The following UBE3B variants were observed in gnomAD, a reference collection of about 807,000 sequenced individuals.
UBE3B encodes the protein ubiquitin protein ligase E3B.
UBE3B carries 80 observed loss-of-function variants against 132.3 expected under a neutral mutation model. The ratio of observed to expected loss-of-function variants is 0.60; its 90% CI spans 0.50 to 0.73. The LOEUF is 0.73. UBE3B is among the 30% of genes least tolerant of loss of function. The probability of loss-of-function intolerance (pLI) is 0.00; values close to 1 mark genes in which losing one functional copy is unlikely to be tolerated. For synonymous variants in UBE3B, 487 were observed against 520.4 expected (o/e 0.94, Z 0.87); for missense variants, 1,196 against 1,362.5 (o/e 0.88, Z 1.92).
intron 18 of UBE3B, among the ~76,000 whole-genome samples, chr12:109,516,365 C>T (rs879461527): frequency 7.3e-5 from 11 of 151,666 alleles, no homozygotes; most frequent in Admixed American, 4.6e-4. Flanking sequence ...TTAGTAGAGA[C>T]GAGGTTTCAC....
At chr12:109,530,992 A>T (rs1285902581) in intron 26 of UBE3B, among the ~76,000 whole-genome samples, 2 of 152,196 alleles carry the variant, frequency 1.3e-5, no homozygotes, top group African/African-American at 4.8e-5. Context: ...ATAGAAGTAA[A>T]TGACCCTCTG....
At chr12:109,490,499 G>A in intron 8 of UBE3B, 1 of 1,535,898 alleles carries the variant, frequency 6.5e-7, no homozygotes, top group Non-Finnish European at 8.7e-7. Flanking sequence ...GTGCTGTGAT[G>A]GGCTGTTTCC....
At chr12:109,509,988 T>A (rs947344155) in intron 16 of UBE3B, among the ~76,000 whole-genome samples, 1 of 152,238 alleles carries the variant, frequency 6.6e-6, no homozygotes, top group African/African-American at 2.4e-5. Flanking sequence ...CTGAATCTCC[T>A]GTTGATTCTT....
chr12:109,499,613 T>G lies in UBE3B; in HGVS notation c.941-20T>G. On this transcript the variant is annotated intron_variant, in intron 11 of 27. Coordinates refer to ENST00000342494, the MANE Select transcript of UBE3B (RefSeq NM_130466.4). ...AAATGTTTGTCTGGGCCCATCACAC[T>G]CAGCCTTCTCTCTCTGTAGGCAACC... 1 of 1,567,586 alleles carries G rather than the reference T, an allele frequency of 6.4e-7. No homozygotes were observed. The highest frequency in any genetic ancestry group is 2.4e-5 in the East Asian group (1 of 42,256).
chr12:109,540,151 C>A (rs1326081175), downstream of UBE3B, among the ~76,000 whole-genome samples: 2 of 152,104 alleles, frequency 1.3e-5, no homozygotes, highest in African/African-American at 4.8e-5. Flanking sequence ...TGCCCCAGGC[C>A]CTGAGTCTGC....
In UBE3B at chr12:109,503,160, C is replaced by CTCACACAGA. The variant is rs1566090411; in HGVS notation, c.1422_1430dup (p.Thr475_Ile477dup). The stretch of plus-strand genomic sequence containing the variant: ...CCTCTACCAGACCTCGCTGACAACT[C>CTCACACAGA]TCACACAGATTCGGCTGCAGATACT... On this transcript the variant is annotated inframe_insertion, in exon 14 of 28. Transcript: ENST00000342494. 1 of 1,614,240 alleles carries CTCACACAGA rather than the reference C, an allele frequency of 6.2e-7. No individual in the cohort carries two copies. Among genetic ancestry groups the CTCACACAGA allele is most frequent in the East Asian group, 2.2e-5 (1 of 44,894 alleles).
In UBE3B at chr12:109,529,905, T is replaced by C. The variant is rs1339145821; in HGVS notation, c.2643T>C (p.His881=). The C allele has an allele frequency of 1.9e-6, 3 of 1,614,114 alleles. No individual in the cohort carries two copies. The highest frequency in any genetic ancestry group is 2.5e-6 in the Non-Finnish European group (3 of 1,180,054). ...TTGGCAACAGAATTAGCTACATCCA[T>C]CTGATGGCACATTTTCGAATGCACA... ...VTNENKISYI[H]LMAHFRMHTQ... is the part of the protein sequence containing the mutation. The change falls in exon 25 of 28, where the codon CAT becomes CAC. Residue 881 remains histidine (H), a synonymous_variant. Coordinates refer to ENST00000342494, the MANE Select transcript of UBE3B (RefSeq NM_130466.4).
chr12:109,537,702 CTTTTG>C (rs1362978295), downstream of UBE3B, among the ~76,000 whole-genome samples: 1 of 152,104 alleles, frequency 6.6e-6, no homozygotes, highest in Non-Finnish European at 1.5e-5. Flanking sequence ...GACATTCTGG[CTTTTG>C]TTTTGTTTTG....
chr12:109,499,968 TA>T (rs1470921178), intron 12 of UBE3B, among the ~76,000 whole-genome samples, 158 bp downstream of exon 12: 1 of 152,208 alleles, frequency 6.6e-6, no homozygotes, highest in African/African-American at 2.4e-5. Context: ...CAAAAGAGGA[TA>T]AAAACCAGCC....
chr12:109,515,838 A>C (rs1476806464), intron 18 of UBE3B, among the ~76,000 whole-genome samples: 4 of 152,164 alleles, frequency 2.6e-5, no homozygotes, highest in Non-Finnish European at 5.9e-5. Context: ...TGCTCTTTCT[A>C]AATAGGTTTA....
rs182727361 is a variant in UBE3B, at chr12:109,518,210, G to A, written c.2076+1326G>A. Among the ~76,000 whole-genome samples, 91 of 152,178 alleles carry A rather than the reference G, an allele frequency of 6.0e-4. No individual in the cohort carries two copies. The Middle Eastern group carries it at 0.014, about 23-fold the overall frequency. On this transcript the variant is annotated intron_variant, in intron 19 of 27. Transcript: ENST00000342494. ...TCTACTTGAGAAAAATAGCCCCCAC[G>A]AGTGAGTTGATAAATGGCAACTGAC...
In UBE3B at chr12:109,520,982, C is replaced by G. The variant is rs544133526; in HGVS notation, c.2077-166C>G. The G allele has an allele frequency of 2.5e-4, 172 of 691,378 alleles. No homozygotes were observed. In the African/African-American group the frequency reaches 2.9e-3, roughly 12 times the overall value. 42.8% of individuals were successfully genotyped at this position (691,378 alleles called of 1,614,324 possible). A position where few individuals can be genotyped will look rare whatever the true frequency, so the allele number is the denominator to read the frequency against. On this transcript the variant is annotated intron_variant, in intron 19 of 27. Coordinates refer to ENST00000342494, the MANE Select transcript of UBE3B (RefSeq NM_130466.4). ...CAAATGAATCTTTGCTTTTAATCAG[C>G]ACTCATTCAAAAGCAGGTGAGAACG...
intron 24 of UBE3B, among the ~76,000 whole-genome samples, chr12:109,528,855 A>T (rs932599172): frequency 5.5e-5 from 8 of 145,680 alleles, no homozygotes; most frequent in Admixed American, 6.8e-5. Flanking sequence ...ATCTCAAAAA[A>T]AAAAAGAAAA....
chr12:109,486,594 A>AAAAAAAAAAAC lies in UBE3B; in HGVS notation c.447+28_447+29insACAAAAAAAAA. On this transcript the variant is annotated intron_variant, in intron 6 of 27. Coordinates refer to ENST00000342494, the MANE Select transcript of UBE3B (RefSeq NM_130466.4). ...GCTCAAGGTAACAAAAAAAAAAAAAAAAAAAAAAAGCAAAACCAGAAACAG... is the reference window on the plus strand; with the variant it reads ...GCTCAAGGTAACAAAAAAAAAAAAAAAAAAAAAAAACAAAAAAAAAGCAAAACCAGAAACAG... The AAAAAAAAAAAC allele has an allele frequency of 1.3e-6, 2 of 1,548,862 alleles. No individual in the cohort carries two copies. Among genetic ancestry groups the AAAAAAAAAAAC allele is most frequent in the Admixed American group, 2.0e-5 (1 of 49,014 alleles).
intron 18 of UBE3B, among the ~76,000 whole-genome samples, chr12:109,514,263 G>A (rs1880727363): frequency 6.6e-6 from 1 of 152,198 alleles, no homozygotes; most frequent in African/African-American, 2.4e-5. Context: ...TGGGGGCTGT[G>A]TCTGGGCTTT....
the UBE3B span, among the ~76,000 whole-genome samples, chr12:109,542,712 TTCC>T: frequency 6.6e-6 from 1 of 152,182 alleles, no homozygotes; most frequent in Middle Eastern, 3.2e-3. Flanking sequence ...ACGCAGGGAC[TTCC>T]AGCCATCACC....
chr12:109,529,257 G>A (rs974682832), intron 24 of UBE3B, among the ~76,000 whole-genome samples: 1 of 152,238 alleles, frequency 6.6e-6, no homozygotes, highest in Non-Finnish European at 1.5e-5. Context: ...GCTTTATGCA[G>A]TTGTAGTTGA....
chr12:109,488,899 G>T (rs1446368810), intron 7 of UBE3B, among the ~76,000 whole-genome samples: 1 of 152,150 alleles, frequency 6.6e-6, no homozygotes, highest in Non-Finnish European at 1.5e-5. Flanking sequence ...TTAAAGTCAT[G>T]GTTCTTCTGA....
intron 14 of UBE3B, among the ~76,000 whole-genome samples, chr12:109,503,397 G>A (rs928578554): frequency 1.3e-5 from 2 of 151,688 alleles, no homozygotes. Context: ...TCTCATTCCT[G>A]TTTTGTGACT....
Sources: allele counts gnomAD v4.1 joint callset (sites outside exome capture counted in the v4.1 genomes callset), GRCh38; gene constraint gnomAD v4.1.1; transcripts MANE v1.5; gene names NCBI Gene and HGNC (gene_info 2026-07-23, HGNC 2026-07-21).